Variants in TNRC6B observed in about 807,000 individuals in gnomAD.
TNRC6B encodes the protein trinucleotide repeat-containing gene 6B protein.
In TNRC6B, 52 loss-of-function variants were observed where a neutral mutation model predicts 203.6. The ratio of observed to expected loss-of-function variants is 0.26; its 90% CI spans 0.20 to 0.32. TNRC6B has a LOEUF of 0.32. Ranked by LOEUF, TNRC6B falls within the 10% of genes least tolerant of loss-of-function variation. TNRC6B has a pLI of 1.00. For synonymous variants in TNRC6B, 838 were observed against 845.7 expected (o/e 0.99, Z 0.16); for missense variants, 1,923 against 2,286.2 (o/e 0.84, Z 3.24).
At chr22:40,235,437 A>AT (rs2069934858) in intron 1 of TNRC6B, among the ~76,000 whole-genome samples, 1 of 152,158 alleles carries the variant, frequency 6.6e-6, no homozygotes, top group Non-Finnish European at 1.5e-5. Context: ...GGACCACGTC[A>AT]TCCCTACAAC....
At chr22:40,212,751 C>A (rs1215352058) in intron 1 of TNRC6B, among the ~76,000 whole-genome samples, 1 of 152,162 alleles carries the variant, frequency 6.6e-6, no homozygotes, top group East Asian at 1.9e-4. Flanking sequence ...TGGGTTCAAG[C>A]GATTCTCGTG....
At chr22:40,291,051 C>A (rs1429790824) in intron 12 of TNRC6B, among the ~76,000 whole-genome samples, 1 of 152,154 alleles carries the variant, frequency 6.6e-6, no homozygotes, top group Admixed American at 6.5e-5. Flanking sequence ...CTTTTCCCAA[C>A]ATTTCTGTAT....
chr22:40,144,385 T>G (rs956493900), intron 3 of TNRC6B, among the ~76,000 whole-genome samples: 1 of 152,080 alleles, frequency 6.6e-6, no homozygotes, highest in African/African-American at 2.4e-5. Context: ...GTTTAAAAAT[T>G]GAACTCTTGG....
chr22:40,157,952 C>T (rs1357752823), intron 4 of TNRC6B, among the ~76,000 whole-genome samples: 1 of 152,184 alleles, frequency 6.6e-6, no homozygotes, highest in Non-Finnish European at 1.5e-5. Context: ...ATCTTACCGA[C>T]TCTCTCACAC....
intron 4 of TNRC6B, among the ~76,000 whole-genome samples, chr22:40,157,436 A>G (rs1345395911): frequency 2.0e-5 from 3 of 152,190 alleles, no homozygotes; most frequent in Non-Finnish European, 4.4e-5. Context: ...ATTATGCAGA[A>G]TGGACTATGC....
chr22:40,060,129 C>T (rs957016022), intron 1 of TNRC6B, among the ~76,000 whole-genome samples: 1 of 149,476 alleles, frequency 6.7e-6, no homozygotes, highest in African/African-American at 2.5e-5. Flanking sequence ...TGTGCCCGGC[C>T]ATCATTTTTT....
intron 7 of TNRC6B, 112 bp from the exon 8 acceptor site, chr22:40,276,965 A>C (rs2070653020): frequency 3.1e-6 from 2 of 652,020 alleles, no homozygotes; most frequent in Non-Finnish European, 4.8e-6. Context: ...AGTTAAAGAG[A>C]AATAGGACTT....
chr22:40,061,771 G>A lies in TNRC6B; in HGVS notation c.-121+16773G>A, dbSNP rs564075639. 2.6e-5 allele frequency among the ~76,000 whole-genome samples: 4 copies of A among 151,606 alleles called. 1 individual carries two copies. The highest frequency in any genetic ancestry group is 4.2e-4 in the South Asian group (2 of 4,796). On this transcript the variant is annotated intron_variant, in intron 1 of 23. Transcript: ENST00000301923. Reference sequence around the variant, plus strand: ...CTTCAAATAGTATAGTATCACTTTCGTTATAAGAACTTTACAATTAGGCTG... The same window carrying A: ...CTTCAAATAGTATAGTATCACTTTCATTATAAGAACTTTACAATTAGGCTG...
At chr22:40,268,753 A>G (rs1642513597) in intron 5 of TNRC6B, among the ~76,000 whole-genome samples, 1 of 151,910 alleles carries the variant, frequency 6.6e-6, no homozygotes, top group Admixed American at 6.6e-5. Flanking sequence ...CTACTAAAAA[A>G]TCGAAAAAAT....
chr22:40,289,826 A>G (rs1424747958), intron 12 of TNRC6B, among the ~76,000 whole-genome samples: 1 of 152,218 alleles, frequency 6.6e-6, no homozygotes, highest in African/African-American at 2.4e-5. Flanking sequence ...TTACAGGTTA[A>G]CATGTTCAAA....
chr22:40,189,057 A>G (rs1015025455), intron 1 of TNRC6B, among the ~76,000 whole-genome samples: 1 of 152,108 alleles, frequency 6.6e-6, no homozygotes, highest in Non-Finnish European at 1.5e-5. Flanking sequence ...AGTCCCACTC[A>G]GTTATCATAT....
At chr22:40,250,990 A>G (rs970075745) in intron 2 of TNRC6B, among the ~76,000 whole-genome samples, 189 bp from the exon 3 acceptor site, 3 of 144,058 alleles carry the variant, frequency 2.1e-5, no homozygotes, top group Admixed American at 7.1e-5. Context: ...CATGTAAATT[A>G]TAGCTGGACA....
chr22:40,236,931 G>A (rs1255514707), intron 1 of TNRC6B, among the ~76,000 whole-genome samples: 1 of 152,140 alleles, frequency 6.6e-6, no homozygotes, highest in Non-Finnish European at 1.5e-5. Flanking sequence ...TTGGGAGGTC[G>A]AGGCGGGCGG....
At chr22:40,270,650 G>C (rs2070549454) in intron 6 of TNRC6B, among the ~76,000 whole-genome samples, 2 of 152,070 alleles carry the variant, frequency 1.3e-5, no homozygotes, top group African/African-American at 2.4e-5. Flanking sequence ...TCAAATGTCA[G>C]ATTTGAGAAT....
At chr22:40,160,407 C>T (rs1195939510) in intron 4 of TNRC6B, among the ~76,000 whole-genome samples, 15 of 144,232 alleles carry the variant, frequency 1.0e-4, no homozygotes, top group Non-Finnish European at 1.8e-4. Flanking sequence ...ACCTGGGAGG[C>T]GGAGGTTGCA....
At chr22:40,180,315 A>C (rs1427825082) in intron 1 of TNRC6B, among the ~76,000 whole-genome samples, 1 of 152,188 alleles carries the variant, frequency 6.6e-6, no homozygotes, top group South Asian at 2.1e-4. Context: ...TAGGCTTTCC[A>C]TGTTTTGCCA....
intron 1 of TNRC6B, among the ~76,000 whole-genome samples, chr22:40,072,136 A>T (rs2067954749): frequency 6.6e-6 from 1 of 152,208 alleles, no homozygotes; most frequent in Non-Finnish European, 1.5e-5. Context: ...GGATTACAAG[A>T]TACATTTTTT....
intron 3 of TNRC6B, among the ~76,000 whole-genome samples, chr22:40,154,363 C>G (rs1177872571): frequency 2.6e-5 from 4 of 151,790 alleles, no homozygotes; most frequent in Non-Finnish European, 5.9e-5. Flanking sequence ...ACTCGGGAGG[C>G]TGAGGCAGGA....
intron 1 of TNRC6B, among the ~76,000 whole-genome samples, chr22:40,097,150 G>C (rs1408034147): frequency 6.6e-6 from 1 of 152,172 alleles, no homozygotes; most frequent in African/African-American, 2.4e-5. Flanking sequence ...GGGCTGGAAG[G>C]CTTTTGAACT....
Sources: gnomAD v4.1 joint callset for allele counts (sites outside exome capture counted in the v4.1 genomes callset) on GRCh38, gnomAD v4.1.1 for gene constraint, MANE v1.5 for transcripts, NCBI Gene and HGNC (gene_info 2026-07-23, HGNC 2026-07-21) for gene names.